The following NAALADL2 variants were observed in gnomAD, a reference collection of about 807,000 sequenced individuals.
The protein encoded by NAALADL2 is inactive N-acetylated-alpha-linked acidic dipeptidase-like protein 2.
Under a neutral mutation model 87.2 loss-of-function variants are expected in NAALADL2, and 76 were observed. The observed-to-expected ratio is 0.87, with a 90% CI of 0.72 to 1.05. NAALADL2 has a LOEUF of 1.05. Ranked by LOEUF, NAALADL2 falls within the 50% of genes least tolerant of loss-of-function variation. The probability of loss-of-function intolerance (pLI) is 0.00; values close to 1 mark genes in which losing one functional copy is unlikely to be tolerated. For synonymous variants in NAALADL2, 354 were observed against 331.0 expected (o/e 1.07, Z -0.75); for missense variants, 1,089 against 945.8 (o/e 1.15, Z -1.99).
At chr3:174,962,359 T>C (rs960706145) in intron 1 of NAALADL2, among the ~76,000 whole-genome samples, 1 of 115,780 alleles carries the variant, frequency 8.6e-6, no homozygotes, top group Non-Finnish European at 1.8e-5. Flanking sequence ...TTCATTGTCA[T>C]AGTGACTATG....
chr3:174,962,802 G>A (rs910253874), intron 1 of NAALADL2, among the ~76,000 whole-genome samples: 5 of 152,032 alleles, frequency 3.3e-5, no homozygotes, highest in African/African-American at 9.7e-5. Flanking sequence ...GACAAATACA[G>A]TTGTCCCTCT....
At chr3:175,115,923 G>T (rs1031922222) in intron 2 of NAALADL2, among the ~76,000 whole-genome samples, 2 of 151,758 alleles carry the variant, frequency 1.3e-5, no homozygotes, top group Admixed American at 6.6e-5. Context: ...ATGCAAGGCT[G>T]GTTCAACATA....
intron 2 of NAALADL2, among the ~76,000 whole-genome samples, chr3:175,149,300 T>C (rs1731208686): frequency 6.6e-6 from 1 of 152,208 alleles, no homozygotes; most frequent in African/African-American, 2.4e-5. Flanking sequence ...TTGTCAACTT[T>C]TAATTTACTA....
chr3:175,050,527 T>C (rs1311673228), intron 1 of NAALADL2, among the ~76,000 whole-genome samples: 1 of 152,222 alleles, frequency 6.6e-6, no homozygotes, highest in East Asian at 1.9e-4. Flanking sequence ...GTTTTGGGTC[T>C]TCATTTCAAA....
chr3:174,822,812 TGA>T (rs1338053485), intron 3 of NAALADL2, among the ~76,000 whole-genome samples: 1 of 152,180 alleles, frequency 6.6e-6, no homozygotes, highest in African/African-American at 2.4e-5. Context: ...GTGGCCTGAA[TGA>T]TTGGAAAATG....
chr3:175,223,741 G>C (rs1313626197), intron 2 of NAALADL2, among the ~76,000 whole-genome samples: 1 of 152,080 alleles, frequency 6.6e-6, no homozygotes, highest in Non-Finnish European at 1.5e-5. Context: ...ATGTCAAATA[G>C]GAGCTTTATA....
chr3:175,327,482 G>GT (rs1315863478), intron 5 of NAALADL2, among the ~76,000 whole-genome samples: 2 of 151,814 alleles, frequency 1.3e-5, no homozygotes, highest in African/African-American at 2.4e-5. Context: ...TACCATTTTT[G>GT]TTTTTTTATA....
At chr3:174,740,140 C>A (rs1185909728) in intron 3 of NAALADL2, among the ~76,000 whole-genome samples, 6 of 151,840 alleles carry the variant, frequency 4.0e-5, no homozygotes, top group Non-Finnish European at 8.8e-5. Context: ...TGCATGTGGG[C>A]AAGGTGGACA....
At chr3:175,520,957 G>A (rs376935936) in intron 9 of NAALADL2, among the ~76,000 whole-genome samples, 5 of 152,178 alleles carry the variant, frequency 3.3e-5, no homozygotes, top group South Asian at 2.1e-4. Flanking sequence ...CTAAAATTTC[G>A]TGTTCTGTTG....
intron 4 of NAALADL2, among the ~76,000 whole-genome samples, chr3:175,304,105 G>A (rs946125607): frequency 3.3e-5 from 5 of 151,858 alleles, no homozygotes; most frequent in African/African-American, 4.8e-5. Flanking sequence ...TCAAGACAAA[G>A]TAATCATTAT....
intron 1 of NAALADL2, among the ~76,000 whole-genome samples, chr3:174,985,569 C>A (rs189324026): frequency 2.6e-5 from 4 of 152,208 alleles, no homozygotes; most frequent in Non-Finnish European, 5.9e-5. Context: ...ACGTTGGCTG[C>A]TTTTTAGTGC....
chr3:175,039,030 C>G (rs535778426), intron 1 of NAALADL2, among the ~76,000 whole-genome samples: 16 of 152,122 alleles, frequency 1.1e-4, no homozygotes, highest in East Asian at 3.9e-4. Flanking sequence ...CATGCAGTTG[C>G]GGGCTAGGAG....
chr3:175,559,618 T>C (rs1326875275), intron 9 of NAALADL2, among the ~76,000 whole-genome samples: 1 of 152,210 alleles, frequency 6.6e-6, no homozygotes, highest in Non-Finnish European at 1.5e-5. Flanking sequence ...TGTTTTTCTA[T>C]ACCAAGTTTT....
chr3:175,191,244 T>C (rs1439153362), intron 2 of NAALADL2, among the ~76,000 whole-genome samples: 1 of 150,448 alleles, frequency 6.6e-6, no homozygotes, highest in East Asian at 1.9e-4. Context: ...GCATACTTTA[T>C]GTAAATTATT....
intron 11 of NAALADL2, among the ~76,000 whole-genome samples, chr3:175,728,066 A>G (rs1458981142): frequency 6.6e-6 from 1 of 152,178 alleles, no homozygotes. Flanking sequence ...TTTTACTTTC[A>G]AGTAATTTTT....
intron 1 of NAALADL2, among the ~76,000 whole-genome samples, chr3:174,894,792 C>T (rs1731304834): frequency 6.6e-6 from 1 of 151,856 alleles, no homozygotes; most frequent in Admixed American, 6.6e-5. Flanking sequence ...TTTTAGATCA[C>T]AAGAGTCTTA....
intron 3 of NAALADL2, chr3:175,235,186 G>T (rs1208160727): frequency 6.6e-6 from 1 of 151,556 alleles, no homozygotes; most frequent in African/African-American, 2.4e-5. Context: ...AACTTTGATT[G>T]ATATATGGAA....
chr3:175,356,196 C>G (rs148468493), intron 5 of NAALADL2, among the ~76,000 whole-genome samples: 335 of 152,156 alleles, frequency 2.2e-3, no homozygotes, highest in African/African-American at 7.5e-3. Context: ...AAAAGAAAGT[C>G]TTTAAGTCCC....
At chr3:174,683,488 A>G (rs1727745099) in intron 2 of NAALADL2, among the ~76,000 whole-genome samples, 1 of 152,184 alleles carries the variant, frequency 6.6e-6, no homozygotes, top group African/African-American at 2.4e-5. Context: ...TAATTTACAA[A>G]GAAATAAACC....
Sources: gnomAD v4.1 joint callset for allele counts (sites outside exome capture counted in the v4.1 genomes callset) on GRCh38, gnomAD v4.1.1 for gene constraint, MANE v1.5 for transcripts, NCBI Gene and HGNC (gene_info 2026-07-23, HGNC 2026-07-21) for gene names.